The following PACSIN2 variants were observed in gnomAD, a reference collection of about 807,000 sequenced individuals.
PACSIN2 encodes the protein protein kinase C and casein kinase substrate in neurons 2.
Under a neutral mutation model 63.8 loss-of-function variants are expected in PACSIN2, and 25 were observed. That is an observed-to-expected ratio of 0.39 (90% CI 0.29 to 0.55). The LOEUF (loss-of-function observed/expected upper bound fraction) is 0.55, where lower values mean the gene tolerates loss of function less well. PACSIN2 is among the 20% of genes least tolerant of loss of function. PACSIN2 has a pLI of 0.62. For missense variants in PACSIN2, 518 were observed against 646.9 expected, an observed-to-expected ratio of 0.80 and a Z score of 2.16; for synonymous variants, 255 against 256.2, an observed-to-expected ratio of 1.00 and a Z score of 0.05.
chr22:42,976,053 G>A (rs1921680274), intron 1 of PACSIN2, among the ~76,000 whole-genome samples: 1 of 152,162 alleles, frequency 6.6e-6, no homozygotes, highest in Non-Finnish European at 1.5e-5. Flanking sequence ...ACAGCATTGA[G>A]GCCTTCCCCT....
chr22:42,987,818 G>C (rs916754173), intron 1 of PACSIN2, among the ~76,000 whole-genome samples: 1 of 152,038 alleles, frequency 6.6e-6, no homozygotes, highest in Admixed American at 6.6e-5. Flanking sequence ...ACAGGCATGA[G>C]CCATAAAACC....
chr22:42,936,553 G>A (rs5759046), intron 1 of PACSIN2, among the ~76,000 whole-genome samples: 1 of 152,156 alleles, frequency 6.6e-6, no homozygotes, highest in Non-Finnish European at 1.5e-5. Context: ...AAAATATGTA[G>A]TATGCATTTT....
rs1052482627 is a variant in PACSIN2 at position 42,939,460 on chromosome 22, A to G, written c.-77-27303T>C. Among the ~76,000 whole-genome samples the G allele has an allele frequency of 3.3e-4, 50 of 152,336 alleles. 1 individual carries two copies. Among genetic ancestry groups the G allele is most frequent in the Middle Eastern group, 3.4e-3 (1 of 294 alleles). On this transcript the variant is annotated intron_variant, in intron 1 of 10. Transcript: ENST00000263246. ...TACAAGAGTCTAAAGATTTGAAAGAAGAATGATTGGAAGTGACGCAGTTAG... is the reference window on the plus strand; with the variant it reads ...TACAAGAGTCTAAAGATTTGAAAGAGGAATGATTGGAAGTGACGCAGTTAG...
chr22:42,938,507 G>A lies in PACSIN2; in HGVS notation c.-77-26350C>T, dbSNP rs138222457. The stretch of plus-strand genomic sequence containing the variant: ...GCAGCAGTGGCTCAGAAGCAGGTAG[G>A]GAATCTTTTTCTATGGGAAGAGCTC... On this transcript the variant is annotated intron_variant, in intron 1 of 10. Coordinates refer to ENST00000263246, the MANE Select transcript of PACSIN2 (RefSeq NM_001184970.3). 3.1e-3 allele frequency among the ~76,000 whole-genome samples: 467 copies of A among 152,312 alleles called. 3 individuals carry two copies. Among genetic ancestry groups the A allele is most frequent in the African/African-American group, 0.011 (460 of 41,562 alleles).
chr22:43,004,056 G>C (rs562843520), intron 1 of PACSIN2, among the ~76,000 whole-genome samples: 2 of 152,180 alleles, frequency 1.3e-5, no homozygotes, highest in Non-Finnish European at 2.9e-5. Flanking sequence ...TCTCAGAGGT[G>C]GGGGAGAAAG....
intron 2 of PACSIN2, among the ~76,000 whole-genome samples, chr22:42,899,463 G>A (rs1930521864): frequency 6.6e-6 from 1 of 152,064 alleles, no homozygotes; most frequent in African/African-American, 2.4e-5. Context: ...CTCTGTATGT[G>A]GGTGCCCAGA....
intron 1 of PACSIN2, among the ~76,000 whole-genome samples, chr22:42,944,241 C>G (rs184703605): frequency 6.6e-6 from 1 of 152,322 alleles, no homozygotes; most frequent in Non-Finnish European, 1.5e-5. Flanking sequence ...ACAAGGGACA[C>G]ACAGATCAAG....
chr22:42,947,603 G>A (rs958748355), intron 1 of PACSIN2, among the ~76,000 whole-genome samples: 1 of 149,594 alleles, frequency 6.7e-6, no homozygotes, highest in African/African-American at 2.5e-5. Context: ...CAAAGAACAC[G>A]CTAGCCTGGA....
At chr22:42,882,154 G>A (rs1335059647) in intron 7 of PACSIN2, 30 bp downstream of exon 7, 3 of 1,612,898 alleles carry the variant, frequency 1.9e-6, no homozygotes, top group Middle Eastern at 3.3e-4. Context: ...CTTCCAGGCT[G>A]ATGAGCTCAT....
rs1002280141 is a variant in PACSIN2, at chr22:43,013,265, G to C, written c.-78+1756C>G. ...GACCTAATCACCCATCTACTTCTCT[G>C]TGTTATGTTACTTTCCCAAGTAATA... On this transcript the variant is annotated intron_variant, in intron 1 of 10. Coordinates refer to ENST00000263246, the MANE Select transcript of PACSIN2 (RefSeq NM_001184970.3). Among the ~76,000 whole-genome samples the C allele has an allele frequency of 5.3e-5, 8 of 152,290 alleles. No homozygotes were observed. The East Asian group carries it at 1.5e-3, about 29-fold the overall frequency.
intron 1 of PACSIN2, among the ~76,000 whole-genome samples, chr22:42,986,570 C>A (rs1922625332): frequency 6.6e-6 from 1 of 152,152 alleles, no homozygotes; most frequent in Non-Finnish European, 1.5e-5. Flanking sequence ...GCTGAGTGCA[C>A]ATGCATGACA....
chr22:42,930,874 G>A (rs982717784), intron 1 of PACSIN2, among the ~76,000 whole-genome samples: 1 of 152,214 alleles, frequency 6.6e-6, no homozygotes, highest in Non-Finnish European at 1.5e-5. Context: ...GAGCCTCCCT[G>A]AGCCACCAGG....
At chr22:42,963,727 T>C (rs977927589) in intron 1 of PACSIN2, among the ~76,000 whole-genome samples, 2 of 152,144 alleles carry the variant, frequency 1.3e-5, no homozygotes, top group Admixed American at 6.5e-5. Context: ...TCAGGTCCAC[T>C]TGATACAAAG....
Position 42,876,997 on chromosome 22 carries a change from G to C in PACSIN2, c.1042C>G (p.Pro348Ala). The stretch of plus-strand genomic sequence containing the variant: ...TGCGCAGACTGGGCGGGGTTGCTCG[G>C]GACATTAAGGGTGCTATGGAGAGAG... ...PSKPSSTLNV[P>A]SNPAQSAQSQ... is the part of the protein sequence containing the mutation. The change falls in exon 9 of 11, where the codon CCG becomes GCG. Residue 348 changes from proline (P) to alanine (A), a missense_variant. Around this residue, in one of 2 missense-constraint regions of PACSIN2, gnomAD observed 507 missense variants for 612.3 expected, o/e 0.83. Coordinates refer to ENST00000263246, the MANE Select transcript of PACSIN2 (RefSeq NM_001184970.3). 6.2e-7 allele frequency: 1 copy of C among 1,614,136 alleles called. No individual in the cohort carries two copies. The highest frequency in any genetic ancestry group is 8.5e-7 in the Non-Finnish European group (1 of 1,180,002).
chr22:42,918,951 T>C (rs905371789), intron 1 of PACSIN2, among the ~76,000 whole-genome samples: 22 of 152,204 alleles, frequency 1.4e-4, no homozygotes, highest in Non-Finnish European at 2.8e-4. Flanking sequence ...CGATTGTTTC[T>C]TCAAAACGAG....
intron 1 of PACSIN2, among the ~76,000 whole-genome samples, chr22:43,001,399 C>G (rs1042402672): frequency 6.6e-6 from 1 of 152,208 alleles, no homozygotes; most frequent in East Asian, 1.9e-4. Context: ...TCTGTAGAAA[C>G]CAGAGCAAAG....
At chr22:42,921,321 T>G (rs369521673) in intron 1 of PACSIN2, among the ~76,000 whole-genome samples, 2 of 150,028 alleles carry the variant, frequency 1.3e-5, no homozygotes, top group African/African-American at 2.5e-5. Context: ...ATTGTGTCAC[T>G]GTCGCCCACC....
At chr22:42,935,289 G>A (rs545332722) in intron 1 of PACSIN2, among the ~76,000 whole-genome samples, 4 of 151,948 alleles carry the variant, frequency 2.6e-5, no homozygotes, top group Non-Finnish European at 4.4e-5. Context: ...CCTGATTATC[G>A]AGGACCTGCC....
intron 1 of PACSIN2, among the ~76,000 whole-genome samples, chr22:42,959,386 A>G (rs1934044450): frequency 6.6e-6 from 1 of 152,242 alleles, no homozygotes; most frequent in Admixed American, 6.5e-5. Flanking sequence ...GCTACTCGGT[A>G]AGAAAAAAAT....
Sources: allele counts gnomAD v4.1 joint callset (sites outside exome capture counted in the v4.1 genomes callset), GRCh38; gene constraint gnomAD v4.1.1; regional missense constraint gnomAD v4.1.1; transcripts MANE v1.5; gene names NCBI Gene and HGNC (gene_info 2026-07-23, HGNC 2026-07-21).